Variants in RB1 observed in about 807,000 individuals in gnomAD.
RB1 encodes RB transcriptional corepressor 1.
A neutral mutation model predicts 135.4 loss-of-function variants in RB1; 18 were observed. The observed-to-expected ratio is 0.13, with a 90% confidence interval of 0.09 to 0.20. RB1 has a LOEUF of 0.20. RB1 is among the 10% of genes least tolerant of loss of function. RB1 has a pLI of 1.00. For synonymous variants in RB1, 365 were observed against 373.2 expected, an observed-to-expected ratio of 0.98 and a Z score of 0.25; for missense variants, 868 against 1,110.0, an observed-to-expected ratio of 0.78 and a Z score of 3.10.
chr13:48,382,843 C>T (rs1948546209), intron 17 of RB1, among the ~76,000 whole-genome samples: 1 of 152,006 alleles, frequency 6.6e-6, no homozygotes, highest in Non-Finnish European at 1.5e-5. Context: ...ACATTTAAGT[C>T]TTTAATCCAT....
intron 2 of RB1, among the ~76,000 whole-genome samples, chr13:48,330,548 T>C (rs886086176): frequency 2.0e-5 from 3 of 152,080 alleles, no homozygotes; most frequent in African/African-American, 7.2e-5. Flanking sequence ...TACTAACAAA[T>C]TGGATGACCT....
At chr13:48,396,307 C>A (rs1332351526) in intron 17 of RB1, among the ~76,000 whole-genome samples, 1 of 151,840 alleles carries the variant, frequency 6.6e-6, no homozygotes, top group Admixed American at 6.6e-5. Flanking sequence ...ATAAATAAAC[C>A]AACGGAACAG....
intron 17 of RB1, among the ~76,000 whole-genome samples, chr13:48,423,279 GT>G (rs1158670749): frequency 3.9e-5 from 6 of 151,964 alleles, no homozygotes; most frequent in Admixed American, 6.6e-5. Flanking sequence ...TTTTGTTTTT[GT>G]TTTTGTGTTT....
chr13:48,476,563 G>T, intron 24 of RB1, 138 bp from the exon 25 acceptor site: 3 of 820,666 alleles, frequency 3.7e-6, no homozygotes, highest in Non-Finnish European at 5.8e-6. Context: ...TCTTTTATTT[G>T]GTCCAATGAA....
At chr13:48,463,955 G>A (rs1949420978) in intron 21 of RB1, 120 bp downstream of exon 21, 1 of 612,976 alleles carries the variant, frequency 1.6e-6, no homozygotes, top group South Asian at 2.2e-5. Flanking sequence ...ACCTTATTAT[G>A]TAAATTCACA....
intron 21 of RB1, among the ~76,000 whole-genome samples, chr13:48,464,441 G>C (rs1418612516): frequency 6.6e-6 from 1 of 152,060 alleles, no homozygotes; most frequent in Non-Finnish European, 1.5e-5. Context: ...TATATCAGAG[G>C]CATCTGATAT....
chr13:48,347,944 G>T (rs1952513050), intron 5 of RB1, 81 bp downstream of exon 5: 1 of 1,127,258 alleles, frequency 8.9e-7, no homozygotes, highest in South Asian at 1.3e-5. Flanking sequence ...GATAGTTAGG[G>T]TTAGTTTGAT....
chr13:48,445,918 T>G (rs1949284013), intron 17 of RB1, among the ~76,000 whole-genome samples: 2 of 152,104 alleles, frequency 1.3e-5, no homozygotes, highest in Non-Finnish European at 2.9e-5. Flanking sequence ...ATAACACATA[T>G]TTTTAGAGGA....
At position 48,318,099 on chromosome 13, in the gene RB1, C is replaced by T. The variant is rs1368691766; in HGVS notation, c.264+10693C>T. The T allele has an allele frequency of 7.5e-6, 4 of 531,850 alleles. No homozygotes were observed. In the Admixed American group the frequency reaches 1.2e-4, roughly 16 times the overall value. 32.9% of individuals were successfully genotyped at this position (531,850 alleles called of 1,614,324 possible). On this transcript the variant is annotated intron_variant, in intron 2 of 26. Transcript: ENST00000267163. ...TTCAGAGGCGGAGGCAGAGGCGCAT[C>T]CCCTCACTCGGAAGGCCGGGGCCGT... is the stretch of plus-strand genomic sequence containing the variant.
chr13:48,318,167 A>T, intron 2 of RB1: 1 of 532,784 alleles, frequency 1.9e-6, no homozygotes, highest in South Asian at 2.2e-5. Flanking sequence ...TCTCTGCCAT[A>T]CTGCCACAGA....
intron 6 of RB1, among the ~76,000 whole-genome samples, chr13:48,349,292 T>C (rs957654923): frequency 1.1e-4 from 16 of 151,962 alleles, no homozygotes; most frequent in African/African-American, 3.9e-4. Context: ...AAAAATGATA[T>C]TTGCTCATGA....
chr13:48,342,724 C>A lies in RB1; in HGVS notation c.380+10C>A, dbSNP rs187110786. The A allele has an allele frequency of 6.4e-7, 1 of 1,551,562 alleles. No individual in the cohort carries two copies. Among genetic ancestry groups the A allele is most frequent in the Non-Finnish European group, 8.9e-7 (1 of 1,123,698 alleles). On this transcript the variant is annotated intron_variant, in intron 3 of 26. Transcript: ENST00000267163. ...AAAACATAGAAATCAGGTAAAGTTT[C>A]TTGTATAAATATAAGCCTCTGCCAT... is the stretch of plus-strand genomic sequence containing the variant.
At chr13:48,420,100 G>T (rs1010096925) in intron 17 of RB1, among the ~76,000 whole-genome samples, 1 of 152,092 alleles carries the variant, frequency 6.6e-6, no homozygotes, top group African/African-American at 2.4e-5. Context: ...GAAAATTTCG[G>T]CCAATATCCT....
intron 17 of RB1, among the ~76,000 whole-genome samples, chr13:48,398,870 GT>G (rs1384071157): frequency 3.3e-5 from 5 of 152,092 alleles, no homozygotes; most frequent in African/African-American, 4.8e-5. Context: ...CAAGGGAAGT[GT>G]TTTGCCTAGG....
At chr13:48,411,351 T>C in intron 17 of RB1, 1 of 1,529,520 alleles carries the variant, frequency 6.5e-7, no homozygotes, top group Non-Finnish European at 9.0e-7. Flanking sequence ...TTGAAGGAAC[T>C]TGAAAGTTCT....
chr13:48,354,455 T>A (rs991274107), intron 6 of RB1, among the ~76,000 whole-genome samples: 8 of 151,800 alleles, frequency 5.3e-5, no homozygotes, highest in Admixed American at 3.9e-4. Context: ...TGGAAAAAAA[T>A]TTTATGTTGT....
At chr13:48,308,127 G>T (rs913930887) in intron 2 of RB1, among the ~76,000 whole-genome samples, 2 of 151,690 alleles carry the variant, frequency 1.3e-5, no homozygotes, top group African/African-American at 4.8e-5. Flanking sequence ...AAGTATAGAT[G>T]TATATGTTTA....
At chr13:48,424,909 C>A (rs1010384399) in intron 17 of RB1, among the ~76,000 whole-genome samples, 2 of 151,928 alleles carry the variant, frequency 1.3e-5, no homozygotes, top group Admixed American at 1.3e-4. Context: ...AAAATGTTAT[C>A]CAGGTGTGGT....
At chr13:48,409,150 C>CT (rs1282281494) in intron 17 of RB1, among the ~76,000 whole-genome samples, 4,404 of 130,926 alleles carry the variant, frequency 0.034, 209 homozygotes, top group African/African-American at 0.1. Context: ...TTTCTTTTCT[C>CT]TTTTTTTTTT....
Sources: gnomAD v4.1 joint callset for allele counts (sites outside exome capture counted in the v4.1 genomes callset) on GRCh38, gnomAD v4.1.1 for gene constraint, MANE v1.5 for transcripts, NCBI Gene and HGNC (gene_info 2026-07-23, HGNC 2026-07-21) for gene names.